Variants in NAALADL2 observed in about 807,000 individuals in gnomAD.
NAALADL2 encodes the protein N-acetylated alpha-linked acidic dipeptidase like 2, also known as inactive N-acetylated-alpha-linked acidic dipeptidase-like protein 2.
NAALADL2 carries 76 observed loss-of-function variants against 87.2 expected under a neutral mutation model. That is an observed-to-expected ratio of 0.87 (90% CI 0.72 to 1.05). NAALADL2 has a LOEUF of 1.05. Among genes scored for constraint, NAALADL2 ranks in the 50% least tolerant of loss-of-function variants. The probability of loss-of-function intolerance (pLI) is 0.00; values close to 1 mark genes in which losing one functional copy is unlikely to be tolerated. For missense variants in NAALADL2, 1,089 were observed against 945.8 expected, an observed-to-expected ratio of 1.15 and a Z score of -1.99; for synonymous variants, 354 against 331.0, an observed-to-expected ratio of 1.07 and a Z score of -0.75.
intron 9 of NAALADL2, among the ~76,000 whole-genome samples, chr3:175,563,223 G>A (rs930748990): frequency 3.3e-5 from 5 of 152,112 alleles, no homozygotes; most frequent in Admixed American, 6.6e-5. Context: ...AAGGGAGAAT[G>A]CAAAATTGTC....
intron 11 of NAALADL2, among the ~76,000 whole-genome samples, chr3:175,682,146 C>A (rs1001989005): frequency 2.6e-5 from 4 of 151,882 alleles, no homozygotes; most frequent in South Asian, 4.1e-4. Flanking sequence ...AAAACAAAAT[C>A]TTTGCACACA....
intron 2 of NAALADL2, among the ~76,000 whole-genome samples, chr3:174,644,944 G>C (rs897462886): frequency 2.6e-5 from 4 of 152,178 alleles, no homozygotes; most frequent in Non-Finnish European, 5.9e-5. Context: ...CGATACCTGA[G>C]ATAAGAGTTG....
chr3:174,892,814 C>T (rs756423971), intron 1 of NAALADL2, among the ~76,000 whole-genome samples: 9 of 149,470 alleles, frequency 6.0e-5, no homozygotes, highest in African/African-American at 2.0e-4. Context: ...CCCAGCTACT[C>T]GGGAGGCTGA....
intron 2 of NAALADL2, among the ~76,000 whole-genome samples, chr3:175,223,158 T>C (rs1382184066): frequency 6.6e-6 from 1 of 151,428 alleles, no homozygotes; most frequent in East Asian, 1.9e-4. Context: ...TCTTACCAAA[T>C]TTCAAGTAAA....
chr3:175,290,816 C>T (rs1352188578), intron 4 of NAALADL2, among the ~76,000 whole-genome samples: 1 of 152,044 alleles, frequency 6.6e-6, no homozygotes, highest in Non-Finnish European at 1.5e-5. Flanking sequence ...TGAATAGGCT[C>T]TTCCCAGATC....
At chr3:175,632,951 G>A (rs926700749) in intron 11 of NAALADL2, among the ~76,000 whole-genome samples, 9 of 152,220 alleles carry the variant, frequency 5.9e-5, no homozygotes, top group South Asian at 2.1e-4. Context: ...TAGTGATCAC[G>A]TATGATAGTG....
chr3:175,621,579 G>A (rs1008087507), intron 10 of NAALADL2, among the ~76,000 whole-genome samples: 2 of 152,058 alleles, frequency 1.3e-5, no homozygotes, highest in South Asian at 4.1e-4. Context: ...CTACATTTCT[G>A]CAAGTTCTGC....
chr3:175,719,046 G>A (rs1414293345), intron 11 of NAALADL2, among the ~76,000 whole-genome samples: 8 of 152,002 alleles, frequency 5.3e-5, no homozygotes, highest in Non-Finnish European at 1.0e-4. Flanking sequence ...ATTGGGCCAG[G>A]GGCCAGGATG....
intron 1 of NAALADL2, among the ~76,000 whole-genome samples, chr3:174,895,444 T>C (rs2109821875): frequency 6.6e-6 from 1 of 152,206 alleles, no homozygotes; most frequent in East Asian, 1.9e-4. Context: ...ACTGACAAAT[T>C]ACTAGATACA....
chr3:175,700,701 G>T (rs953038406), intron 11 of NAALADL2, among the ~76,000 whole-genome samples: 7 of 152,164 alleles, frequency 4.6e-5, no homozygotes, highest in African/African-American at 1.7e-4. Context: ...CTTCTTAATT[G>T]AGGAAATTAA....
At chr3:175,525,669 C>T (rs1733297240) in intron 9 of NAALADL2, among the ~76,000 whole-genome samples, 2 of 151,948 alleles carry the variant, frequency 1.3e-5, no homozygotes, top group Admixed American at 1.3e-4. Context: ...TTCTTTGTGC[C>T]TTCATTTGTG....
At chr3:174,641,696 GC>G (rs1330934698) in intron 2 of NAALADL2, among the ~76,000 whole-genome samples, 1 of 152,150 alleles carries the variant, frequency 6.6e-6, no homozygotes, top group Non-Finnish European at 1.5e-5. Context: ...GAGAGGCCAG[GC>G]CCCCAGCATA....
At chr3:174,965,228 A>G (rs1346988115) in intron 1 of NAALADL2, among the ~76,000 whole-genome samples, 1 of 152,124 alleles carries the variant, frequency 6.6e-6, no homozygotes, top group Non-Finnish European at 1.5e-5. Flanking sequence ...GCGGGAGGCC[A>G]CAATTCCTTG....
chr3:175,769,835 A>C (rs1038077191), intron 13 of NAALADL2, among the ~76,000 whole-genome samples: 1 of 152,116 alleles, frequency 6.6e-6, no homozygotes, highest in Non-Finnish European at 1.5e-5. Flanking sequence ...TGGACAATGA[A>C]GGCTGACAGC....
chr3:175,348,654 T>A (rs1763411076), intron 5 of NAALADL2, among the ~76,000 whole-genome samples: 1 of 152,136 alleles, frequency 6.6e-6, no homozygotes, highest in Non-Finnish European at 1.5e-5. Context: ...CATCTCCCCA[T>A]GGCTGTGTTC....
At chr3:175,156,070 T>C (rs2108809329) in intron 2 of NAALADL2, among the ~76,000 whole-genome samples, 1 of 152,256 alleles carries the variant, frequency 6.6e-6, no homozygotes, top group South Asian at 2.1e-4. Context: ...TCCAAAGTGG[T>C]AGGTAAAATT....
chr3:174,910,608 C>A (rs185562309), intron 1 of NAALADL2, among the ~76,000 whole-genome samples: 16 of 152,004 alleles, frequency 1.1e-4, no homozygotes, highest in Non-Finnish European at 2.2e-4. Context: ...AGTTAATATC[C>A]AGTCCTGCAG....
intron 1 of NAALADL2, among the ~76,000 whole-genome samples, chr3:174,512,078 C>T (rs745927921): frequency 6.6e-5 from 10 of 151,964 alleles, no homozygotes; most frequent in Non-Finnish European, 1.3e-4. Flanking sequence ...ATTTTTATAA[C>T]TTTGTATACA....
chr3:174,831,785 A>C lies in NAALADL2; in HGVS notation c.-9+94039A>C, dbSNP rs1346805904. Among the ~76,000 whole-genome samples, 452 of 150,338 alleles carry C rather than the reference A, an allele frequency of 3.0e-3. 4 individuals carry two copies. The highest frequency in any genetic ancestry group is 3.4e-3 in the Middle Eastern group (1 of 290). ...CTATTGATTATTGCCACAATTTCAG[A>C]TCCTGTTATTGGTCTATTCAGAGAT... On this transcript the variant is annotated intron_variant, in intron 3 of 3. Transcript: ENST00000434257.
Sources: allele counts gnomAD v4.1 joint callset (sites outside exome capture counted in the v4.1 genomes callset), GRCh38; gene constraint gnomAD v4.1.1; transcripts MANE v1.5; gene names NCBI Gene and HGNC (gene_info 2026-07-23, HGNC 2026-07-21).